KIF7: variants seen among roughly 807,000 people sequenced by gnomAD.
The protein encoded by KIF7 is kinesin-like protein KIF7.
KIF7 carries 104 observed loss-of-function variants against 135.7 expected under a neutral mutation model. That is an observed-to-expected ratio of 0.77 (90% CI 0.65 to 0.90). The LOEUF is 0.90. KIF7 is among the 40% of genes least tolerant of loss of function. The probability of loss-of-function intolerance (pLI) is 0.00; values close to 1 mark genes in which losing one functional copy is unlikely to be tolerated. For missense variants in KIF7, 2,005 were observed against 1,839.1 expected (o/e 1.09, Z -1.65); for synonymous variants, 883 against 809.4 (o/e 1.09, Z -1.54).
rs551373081 is a variant in KIF7 at position 89,637,399 on chromosome 15, T to G, written c.2395-3516A>C. On this transcript the variant is annotated intron_variant, in intron 11 of 18. Coordinates refer to ENST00000394412, the MANE Select transcript of KIF7 (RefSeq NM_198525.3). The stretch of plus-strand genomic sequence containing the variant: ...AATTAATGAATCCAGGAGCTGGTTT[T>G]TTGAAAGGATCAACAAAATTGATAG... Among the ~76,000 whole-genome samples the G allele has an allele frequency of 2.5e-3, 383 of 151,762 alleles. 1 individual carries two copies. The highest frequency in any genetic ancestry group is 8.7e-3 in the African/African-American group (361 of 41,356).
chr15:89,627,210 C>T (rs902222919), downstream of KIF7: 55 of 1,213,938 alleles, frequency 4.5e-5, no homozygotes, highest in Non-Finnish European at 6.1e-5. Flanking sequence ...CATTAGAATG[C>T]CTTAGGGTTT....
At chr15:89,624,654 T>C (rs1334455968), downstream of KIF7, 26 of 1,613,930 alleles carry the variant, frequency 1.6e-5, no homozygotes, top group African/African-American at 5.3e-5. Context: ...TCAGGAGTGA[T>C]TGGCATGCAT....
chr15:89,644,910 C>T lies in KIF7; in HGVS notation c.2191+103G>A, dbSNP rs1963983472. 4.0e-6 allele frequency: 6 copies of T among 1,496,256 alleles called. No individual in the cohort carries two copies. In the South Asian group the frequency reaches 5.9e-5, roughly 15 times the overall value. The allele number at this position is 1,496,256 out of a possible 1,614,324, so 92.7% of individuals were successfully genotyped here. Reference sequence around the variant, plus strand: ...GTATCAAACCTAGGCCATCCGGCCCCTGCTCCTAACCACCTCATTGTTGAA... The same window carrying T: ...GTATCAAACCTAGGCCATCCGGCCCTTGCTCCTAACCACCTCATTGTTGAA... On this transcript the variant is annotated intron_variant, in intron 10 of 18. Coordinates refer to ENST00000394412, the MANE Select transcript of KIF7 (RefSeq NM_198525.3).
chr15:89,650,018 C>T (rs1184897908), intron 2 of KIF7, 77 bp from the exon 3 acceptor site: 1 of 1,408,204 alleles, frequency 7.1e-7, no homozygotes, highest in Admixed American at 2.0e-5. Flanking sequence ...AGCTCATAGG[C>T]CCCTGCCAGA....
rs1056889770 is a variant in KIF7 at position 89,634,794 on chromosome 15, G to T, written c.2395-911C>A. Among the ~76,000 whole-genome samples, 14 of 152,360 alleles carry T rather than the reference G, an allele frequency of 9.2e-5. No homozygotes were observed. In the South Asian group the frequency reaches 1.0e-3, roughly 11 times the overall value. On this transcript the variant is annotated intron_variant, in intron 11 of 18. Coordinates refer to ENST00000394412, the MANE Select transcript of KIF7 (RefSeq NM_198525.3). ...CAGGCTTGCTTAGGTAAACAAAGCA[G>T]CTGGGAAGCTCGATCTGGGTGGAGC... is the stretch of plus-strand genomic sequence containing the variant.
chr15:89,647,482 C>T, intron 6 of KIF7, 114 bp downstream of exon 6: 2 of 917,552 alleles, frequency 2.2e-6, no homozygotes, highest in South Asian at 1.4e-5. Context: ...TGACTCTACA[C>T]CCCTACCCCG....
intron 16 of KIF7, chr15:89,630,076 T>C: frequency 1.7e-6 from 1 of 605,928 alleles, no homozygotes; most frequent in Non-Finnish European, 2.9e-6. Flanking sequence ...GGTTAGCCAA[T>C]CAGAGCAGAA....
At chr15:89,631,937 A>G (rs1350860949) in intron 14 of KIF7, among the ~76,000 whole-genome samples, 1 of 152,206 alleles carries the variant, frequency 6.6e-6, no homozygotes, top group Non-Finnish European at 1.5e-5. Flanking sequence ...CGAGAGGAGG[A>G]TAAGGACCAG....
chr15:89,631,106 G>A (rs1387814221), intron 15 of KIF7: 4 of 258,984 alleles, frequency 1.5e-5, no homozygotes, highest in Non-Finnish European at 3.0e-5. Context: ...CACAGCACAT[G>A]ACTATAGTCA....
At chr15:89,642,117 CAG>C in intron 11 of KIF7, 84 bp downstream of exon 11, 1 of 1,393,608 alleles carries the variant, frequency 7.2e-7, no homozygotes. Flanking sequence ...ACTTGGGCCT[CAG>C]AGCCCACATG....
At chr15:89,653,414 A>C (rs1312585960) in intron 1 of KIF7, among the ~76,000 whole-genome samples, 1 of 151,928 alleles carries the variant, frequency 6.6e-6, no homozygotes, top group African/African-American at 2.4e-5. Flanking sequence ...TCACCACCAA[A>C]TCCTGCCAAT....
At chr15:89,641,742 A>G (rs1963923118) in intron 11 of KIF7, among the ~76,000 whole-genome samples, 1 of 152,190 alleles carries the variant, frequency 6.6e-6, no homozygotes, top group African/African-American at 2.4e-5. Flanking sequence ...CGGAGGTTGC[A>G]GTGAGCCAGG....
chr15:89,659,445 AAG>A (rs377090858), upstream of KIF7, among the ~76,000 whole-genome samples: 4 of 148,518 alleles, frequency 2.7e-5, no homozygotes, highest in African/African-American at 7.8e-5. Flanking sequence ...AGGGGAAAGA[AAG>A]AGAGAGAGAA....
chr15:89,642,358 C>G lies in KIF7; in HGVS notation c.2239G>C (p.Glu747Gln), dbSNP rs760121687. 3.1e-5 allele frequency: 50 copies of G among 1,609,978 alleles called. No homozygotes were observed. Among genetic ancestry groups the G allele is most frequent in the Non-Finnish European group, 4.2e-5 (49 of 1,178,896 alleles). Residue 747 changes from glutamate to glutamine, a missense_variant, in exon 11 of 19, where the codon GAG becomes CAG. Physicochemically the swap from Glu to Gln is conservative, Grantham distance 29. Coordinates refer to ENST00000394412, the MANE Select transcript of KIF7 (RefSeq NM_198525.3). ...LNRQHSQRIR[E>Q]LEQEAEQVRA... Reference sequence around the variant, plus strand: ...ACCTGCTCTGCCTCCTGCTCCAGCTCCCGGATACGCTGGCTGTGCTGGCGG... The same window carrying G: ...ACCTGCTCTGCCTCCTGCTCCAGCTGCCGGATACGCTGGCTGTGCTGGCGG...
In KIF7 at chr15:89,643,885, GAA is replaced by G. The variant is rs11358124; in HGVS notation, c.2191+1126_2191+1127del. ...GGCAACAGAGTGAGACTCCGTCTCA[GAA>G]AAAAAAAAAAAAAAAAAGAGGACAT... is the stretch of plus-strand genomic sequence containing the variant. On this transcript the variant is annotated intron_variant, in intron 10 of 18. Transcript: ENST00000394412. 2.5e-3 allele frequency among the ~76,000 whole-genome samples: 227 copies of G among 91,498 alleles called. 1 individual carries two copies. The highest frequency in any genetic ancestry group is 6.3e-3 in the East Asian group (21 of 3,308). 60.0% of individuals were successfully genotyped at this position (91,498 alleles called of 152,430 possible).
chr15:89,645,119 AG>A lies in KIF7; in HGVS notation c.2084del (p.Pro695LeufsTer25). 2 of 1,605,612 alleles carry A rather than the reference AG, an allele frequency of 1.2e-6. No homozygotes were observed. On this transcript the variant is annotated frameshift_variant, in exon 10 of 19. Transcript: ENST00000394412. LOFTEE classifies it high-confidence loss of function. The part of the protein sequence containing the change: ...KARVQARQVP[P>X]ATASEWRLAQ... ...CCAGCCGCCACTCTGAGGCTGTGGCAGGGGGGACCTGGCGGGCCTGAACTCG... is the reference window on the plus strand; with the variant it reads ...CCAGCCGCCACTCTGAGGCTGTGGCAGGGGGACCTGGCGGGCCTGAACTCG...
At chr15:89,624,523 ACTC>A, downstream of KIF7, 1 of 1,613,802 alleles carries the variant, frequency 6.2e-7, no homozygotes, top group Non-Finnish European at 8.5e-7. Context: ...TGCCTCCGCT[ACTC>A]CTGGGGTTGG....
At chr15:89,656,313 A>C (rs1964206579), upstream of KIF7, among the ~76,000 whole-genome samples, 1 of 151,888 alleles carries the variant, frequency 6.6e-6, no homozygotes, top group South Asian at 2.1e-4. Context: ...GCTCCTGGGC[A>C]GGTTGAGTCA....
chr15:89,653,360 C>T (rs920612355), intron 1 of KIF7, among the ~76,000 whole-genome samples: 1 of 152,144 alleles, frequency 6.6e-6, no homozygotes, highest in Non-Finnish European at 1.5e-5. Context: ...ATCCCCTGCC[C>T]CACCTTCTTC....
Sources: allele counts gnomAD v4.1 joint callset (sites outside exome capture counted in the v4.1 genomes callset), GRCh38; gene constraint gnomAD v4.1.1; transcripts MANE v1.5; gene names NCBI Gene and HGNC (gene_info 2026-07-23, HGNC 2026-07-21).